Variants in MACROD2 observed in about 807,000 individuals in gnomAD.
MACROD2 encodes mono-ADP ribosylhydrolase 2.
Under a neutral mutation model 70.4 loss-of-function variants are expected in MACROD2, and 36 were observed. The ratio of observed to expected loss-of-function variants is 0.51; its 90% CI spans 0.39 to 0.68. The LOEUF (loss-of-function observed/expected upper bound fraction) is 0.68, where lower values mean the gene tolerates loss of function less well. MACROD2 is among the 30% of genes least tolerant of loss of function. The pLI is 0.00. For missense variants in MACROD2, 496 were observed against 538.4 expected, an observed-to-expected ratio of 0.92 and a Z score of 0.78; for synonymous variants, 172 against 178.8, an observed-to-expected ratio of 0.96 and a Z score of 0.30.
chr20:15,816,245 C>G (rs2063873333), intron 8 of MACROD2, among the ~76,000 whole-genome samples: 1 of 152,080 alleles, frequency 6.6e-6, no homozygotes, highest in Non-Finnish European at 1.5e-5. Flanking sequence ...GATAATGCAG[C>G]TGCTTCTTCC....
chr20:15,583,095 T>C (rs2048548965), intron 8 of MACROD2, among the ~76,000 whole-genome samples: 2 of 152,118 alleles, frequency 1.3e-5, no homozygotes, highest in Admixed American at 1.3e-4. Flanking sequence ...GTCGATGCTA[T>C]TCAAAAACAT....
At chr20:14,827,896 AAT>A (rs1328384784) in intron 5 of MACROD2, among the ~76,000 whole-genome samples, 11 of 152,190 alleles carry the variant, frequency 7.2e-5, no homozygotes, top group Non-Finnish European at 1.0e-4. Flanking sequence ...TCTAATATCT[AAT>A]AGTCTCATAT....
At chr20:15,155,602 G>A (rs2076301607) in intron 5 of MACROD2, among the ~76,000 whole-genome samples, 1 of 152,126 alleles carries the variant, frequency 6.6e-6, no homozygotes, top group East Asian at 1.9e-4. Context: ...AGATTCCATT[G>A]TGCTGGAGCA....
chr20:14,561,692 A>G (rs1979442224), intron 4 of MACROD2, among the ~76,000 whole-genome samples: 1 of 151,874 alleles, frequency 6.6e-6, no homozygotes, highest in African/African-American at 2.4e-5. Flanking sequence ...AAGAAGAAAC[A>G]CCACAACAAT....
intron 3 of MACROD2, among the ~76,000 whole-genome samples, chr20:14,397,022 T>A (rs1292103054): frequency 1.5e-4 from 19 of 127,086 alleles, no homozygotes; most frequent in Non-Finnish European, 2.7e-4. Context: ...TGAGATGGAG[T>A]CTCGCTCTGT....
chr20:15,118,460 G>C (rs545897894), intron 5 of MACROD2, among the ~76,000 whole-genome samples: 202 of 152,196 alleles, frequency 1.3e-3, no homozygotes, highest in Non-Finnish European at 2.4e-3. Context: ...CAAAGTGGTG[G>C]GAGTGCAAGC....
chr20:15,207,619 T>A (rs1413803058), intron 5 of MACROD2, among the ~76,000 whole-genome samples: 2 of 151,826 alleles, frequency 1.3e-5, no homozygotes, highest in Non-Finnish European at 2.9e-5. Context: ...ATTTTTGTAT[T>A]TTCAGTAGAG....
At chr20:14,836,407 C>T (rs1355583639) in intron 5 of MACROD2, among the ~76,000 whole-genome samples, 2 of 151,964 alleles carry the variant, frequency 1.3e-5, no homozygotes, top group African/African-American at 4.8e-5. Flanking sequence ...CTCAGAGAAA[C>T]TCAGGGAAGG....
At chr20:15,165,889 T>A (rs2076380276) in intron 5 of MACROD2, among the ~76,000 whole-genome samples, 1 of 152,198 alleles carries the variant, frequency 6.6e-6, no homozygotes, top group African/African-American at 2.4e-5. Flanking sequence ...AGTCCAAATG[T>A]CTATCAATCA....
At chr20:15,449,769 G>A (rs1296474312) in intron 7 of MACROD2, among the ~76,000 whole-genome samples, 5 of 152,100 alleles carry the variant, frequency 3.3e-5, no homozygotes, top group African/African-American at 1.2e-4. Context: ...AAGGTGGGCG[G>A]ATCACCTGAG....
At chr20:14,594,496 C>G (rs1600430385) in intron 4 of MACROD2, among the ~76,000 whole-genome samples, 1 of 152,262 alleles carries the variant, frequency 6.6e-6, no homozygotes, top group East Asian at 1.9e-4. Flanking sequence ...CCATCACAAT[C>G]TAAGTAAGAC....
chr20:16,049,626 A>G (rs1460314563), intron 17 of MACROD2, among the ~76,000 whole-genome samples: 1 of 152,192 alleles, frequency 6.6e-6, no homozygotes, highest in African/African-American at 2.4e-5. Flanking sequence ...ATTTATTAAC[A>G]GTGATTTATA....
At chr20:15,266,080 T>C (rs1295971617) in intron 6 of MACROD2, among the ~76,000 whole-genome samples, 1 of 152,232 alleles carries the variant, frequency 6.6e-6, no homozygotes, top group Admixed American at 6.5e-5. Flanking sequence ...ATTAAGACTT[T>C]GCTTGTAAAT....
chr20:15,205,355 C>T (rs1404433547), intron 5 of MACROD2, among the ~76,000 whole-genome samples: 1 of 151,824 alleles, frequency 6.6e-6, no homozygotes, highest in Non-Finnish European at 1.5e-5. Context: ...TCCAAGTAAA[C>T]CCAAAAACTA....
At chr20:14,377,888 T>C (rs1386883936) in intron 3 of MACROD2, among the ~76,000 whole-genome samples, 1 of 152,168 alleles carries the variant, frequency 6.6e-6, no homozygotes, top group Admixed American at 6.5e-5. Flanking sequence ...AACCAACAGC[T>C]CTGTGATTGA....
intron 5 of MACROD2, among the ~76,000 whole-genome samples, chr20:14,813,187 AATTTT>A (rs1355808936): frequency 1.8e-4 from 27 of 150,666 alleles, no homozygotes; most frequent in African/African-American, 5.6e-4. Context: ...CTTTTTTTTA[AATTTT>A]ATTTTATTTT....
At chr20:14,286,310 A>C (rs1469436212) in intron 3 of MACROD2, among the ~76,000 whole-genome samples, 1 of 152,068 alleles carries the variant, frequency 6.6e-6, no homozygotes, top group Non-Finnish European at 1.5e-5. Flanking sequence ...GTTTTTCATT[A>C]GTTTCAAGTA....
At position 16,050,850 on chromosome 20, in the gene MACROD2, G is replaced by A. The variant is rs1046708375; in HGVS notation, c.*974G>A. The A allele has an allele frequency of 6.6e-6, 1 of 152,242 alleles. No individual in the cohort carries two copies. Among genetic ancestry groups the A allele is most frequent in the Non-Finnish European group, 1.5e-5 (1 of 68,056 alleles). 9.4% of individuals were successfully genotyped at this position (152,242 alleles called of 1,614,324 possible). ...GACAGCCCACAGAGTGGTCTCATTTGAAATTACAGGAAATTAGAGCTTTTG... is the reference window on the plus strand; with the variant it reads ...GACAGCCCACAGAGTGGTCTCATTTAAAATTACAGGAAATTAGAGCTTTTG... On this transcript the variant is annotated 3_prime_UTR_variant, in exon 18 of 18. Coordinates refer to ENST00000684519, the MANE Select transcript of MACROD2 (RefSeq NM_001351661.2).
intron 3 of MACROD2, among the ~76,000 whole-genome samples, chr20:14,232,057 G>C (rs1462284609): frequency 1.3e-5 from 2 of 152,140 alleles, no homozygotes; most frequent in Non-Finnish European, 2.9e-5. Flanking sequence ...TGTCAGATGA[G>C]TAGATTGCAA....
Sources: allele counts gnomAD v4.1 joint callset (sites outside exome capture counted in the v4.1 genomes callset), GRCh38; gene constraint gnomAD v4.1.1; transcripts MANE v1.5; gene names NCBI Gene and HGNC (gene_info 2026-07-23, HGNC 2026-07-21).